HFM1: variants seen among roughly 807,000 people sequenced by gnomAD.
HFM1 encodes the protein probable ATP-dependent DNA helicase HFM1.
HFM1 carries 169 observed loss-of-function variants against 192.1 expected under a neutral mutation model. That is an observed-to-expected ratio of 0.88 (90% CI 0.78 to 1.00). The LOEUF is 1.00. Ranked by LOEUF, HFM1 falls within the 50% of genes least tolerant of loss-of-function variation. The pLI, the probability that HFM1 is intolerant of heterozygous loss-of-function variation, is 0.00. For missense variants in HFM1, 1,661 were observed against 1,668.0 expected (o/e 1.00, Z 0.07); for synonymous variants, 525 against 537.8 (o/e 0.98, Z 0.33).
rs950346284 is a variant in HFM1, at chr1:91,287,721, C to T, written c.3392-10659G>A. Among the ~76,000 whole-genome samples, 378 of 151,496 alleles carry T rather than the reference C, an allele frequency of 2.5e-3. 1 individual carries two copies. Among genetic ancestry groups the T allele is most frequent in the African/African-American group, 8.1e-3 (333 of 41,264 alleles). On this transcript the variant is annotated intron_variant, in intron 30 of 38. Coordinates refer to ENST00000370425, the MANE Select transcript of HFM1 (RefSeq NM_001017975.6). The stretch of plus-strand genomic sequence containing the variant: ...CAGACGATCAAATTACTCCGAGCTA[C>T]GGGAGGACATTCAAACCAAAGGCAA...
intron 20 of HFM1, among the ~76,000 whole-genome samples, chr1:91,334,697 G>A (rs904589875): frequency 8.6e-5 from 13 of 152,032 alleles, no homozygotes; most frequent in African/African-American, 2.4e-4. Context: ...TTGGGAGGCC[G>A]AGGCAGGTGG....
At chr1:91,392,399 T>C (rs913777496) in intron 4 of HFM1, among the ~76,000 whole-genome samples, 8 of 152,204 alleles carry the variant, frequency 5.3e-5, no homozygotes, top group South Asian at 2.1e-4. Context: ...ATATACATCA[T>C]GGAATACTAT....
intron 30 of HFM1, 33 bp from the exon 31 acceptor site, chr1:91,277,095 T>C (rs769729035): frequency 8.9e-7 from 1 of 1,119,000 alleles, no homozygotes; most frequent in Non-Finnish European, 1.3e-6. Flanking sequence ...AATCCATTTG[T>C]CACTACATTT....
rs754110441 is a variant in HFM1 at position 91,262,601 on chromosome 1, T to A, written c.3975-9A>T. ...CATGTGATGAAACAAAACTAAAAAT[T>A]AAAATTAATTATTTGTAAAATACGG... On this transcript the variant is annotated splice_polypyrimidine_tract_variant and intron_variant, in intron 36 of 38. Coordinates refer to ENST00000370425, the MANE Select transcript of HFM1 (RefSeq NM_001017975.6). 4.8e-6 allele frequency: 7 copies of A among 1,454,334 alleles called. No individual in the cohort carries two copies. The highest frequency in any genetic ancestry group is 6.7e-6 in the Non-Finnish European group (7 of 1,046,298). The allele number at this position is 1,454,334 out of a possible 1,614,324, so 90.1% of individuals were successfully genotyped here.
At chr1:91,300,629 C>A (rs915172521) in intron 30 of HFM1, among the ~76,000 whole-genome samples, 5 of 152,176 alleles carry the variant, frequency 3.3e-5, no homozygotes, top group African/African-American at 1.2e-4. Flanking sequence ...GCTAGTTCAA[C>A]ATATGCAAAT....
chr1:91,381,590 C>T (rs1489255127), intron 6 of HFM1, among the ~76,000 whole-genome samples: 5 of 152,080 alleles, frequency 3.3e-5, no homozygotes, highest in Non-Finnish European at 7.4e-5. Context: ...AATAAACTGT[C>T]CCCTCTCCAA....
At chr1:91,375,793 C>T (rs956679990) in intron 11 of HFM1, 66 bp from the exon 12 acceptor site, 1 of 1,338,502 alleles carries the variant, frequency 7.5e-7, no homozygotes, top group Non-Finnish European at 1.1e-6. Flanking sequence ...TAAAAACAAC[C>T]CAATTACAAA....
At chr1:91,282,735 T>C (rs950717952) in intron 30 of HFM1, among the ~76,000 whole-genome samples, 3 of 64,272 alleles carry the variant, frequency 4.7e-5, no homozygotes, top group Admixed American at 4.3e-4. Flanking sequence ...TCATTTAAGT[T>C]ATTTAGAGAA....
chr1:91,404,969 C>A, upstream of HFM1: 1 of 419,746 alleles, frequency 2.4e-6, no homozygotes, highest in Non-Finnish European at 4.8e-6. Context: ...ATATCTCTTG[C>A]AGTTTACTGT....
chr1:91,366,876 G>A (rs1659395394), intron 13 of HFM1, among the ~76,000 whole-genome samples: 1 of 152,234 alleles, frequency 6.6e-6, no homozygotes, highest in Admixed American at 6.5e-5. Context: ...AGGGGTGACA[G>A]ACAGCACCTG....
intron 30 of HFM1, among the ~76,000 whole-genome samples, chr1:91,299,905 G>C (rs1201537822): frequency 1.3e-5 from 2 of 152,128 alleles, no homozygotes; most frequent in Non-Finnish European, 2.9e-5. Flanking sequence ...ACATTCAAAA[G>C]CTAGCAGAAG....
chr1:91,318,679 AT>A (rs1269760947), intron 25 of HFM1, among the ~76,000 whole-genome samples: 1 of 152,168 alleles, frequency 6.6e-6, no homozygotes, highest in Non-Finnish European at 1.5e-5. Flanking sequence ...AGGTGACATA[AT>A]TTTCTGTAAT....
chr1:91,315,006 C>T (rs1650993883), intron 28 of HFM1, among the ~76,000 whole-genome samples: 1 of 152,136 alleles, frequency 6.6e-6, no homozygotes, highest in Non-Finnish European at 1.5e-5. Flanking sequence ...GAATCACTGC[C>T]ATTCCTGAAC....
Position 91,375,371 on chromosome 1 carries a change from CCA to C in HFM1, c.1670_1671del (p.Val557GlyfsTer38). ...AAAATACTATACCTCTGTTTCTGTTCCACAGTCATAATAAATTTAGCATCTTT... is the reference window on the plus strand; with the variant it reads ...AAAATACTATACCTCTGTTTCTGTTCCAGTCATAATAAATTTAGCATCTTT... Reference protein sequence around the residue: ...LVKDAKFIMTVEQKQRLQKYA... With the variant: ...LVKDAKFIMTXEQKQRLQKYA... On this transcript the variant is annotated frameshift_variant, in exon 13 of 39. Transcript: ENST00000370425. LOFTEE classifies it high-confidence loss of function. The C allele has an allele frequency of 1.2e-6, 2 of 1,611,154 alleles. No homozygotes were observed. Among genetic ancestry groups the C allele is most frequent in the Admixed American group, 1.7e-5 (1 of 59,788 alleles).
intron 30 of HFM1, among the ~76,000 whole-genome samples, chr1:91,285,363 A>G (rs1002893409): frequency 1.3e-5 from 2 of 152,326 alleles, no homozygotes; most frequent in Non-Finnish European, 2.9e-5. Flanking sequence ...ACTTGAAAGC[A>G]TATTTGGAAA....
chr1:91,398,994 C>T (rs1663994813), intron 2 of HFM1, among the ~76,000 whole-genome samples: 1 of 151,950 alleles, frequency 6.6e-6, no homozygotes, highest in Non-Finnish European at 1.5e-5. Context: ...TGCCTCGTCA[C>T]TCCTCACCCT....
chr1:91,268,421 A>T (rs375632840), intron 34 of HFM1, among the ~76,000 whole-genome samples: 12 of 152,108 alleles, frequency 7.9e-5, no homozygotes, highest in African/African-American at 2.9e-4. Flanking sequence ...TTAGAGCCAA[A>T]TTACATAAGT....
Position 91,260,910 on chromosome 1 carries a change from G to A in HFM1, c.*380C>T, listed in dbSNP as rs1004902827. 9 of 153,888 alleles carry A rather than the reference G, an allele frequency of 5.8e-5. No individual in the cohort carries two copies. The highest frequency in any genetic ancestry group is 2.2e-4 in the African/African-American group (9 of 41,528). The allele number at this position is 153,888 out of a possible 1,614,324, so 9.5% of individuals were successfully genotyped here. ...TCCATACAATAAGCAGATTCATTAA[G>A]TTAGCATTACTTTGCTTTCATAGAA... On this transcript the variant is annotated 3_prime_UTR_variant, in exon 39 of 39. Coordinates refer to ENST00000370425, the MANE Select transcript of HFM1 (RefSeq NM_001017975.6).
At position 91,319,410 on chromosome 1, in the gene HFM1, T is replaced by A; in HGVS notation, c.2583-20A>T. 2 of 1,468,770 alleles carry A rather than the reference T, an allele frequency of 1.4e-6. No individual in the cohort carries two copies. The highest frequency in any genetic ancestry group is 1.9e-6 in the Non-Finnish European group (2 of 1,048,092). The allele number at this position is 1,468,770 out of a possible 1,614,324, so 91.0% of individuals were successfully genotyped here. ...ATAAGACTGGGGGAAAGAAAAAAAA[T>A]TGTTACTCCCTTTTAAGGGTTATCT... is the stretch of plus-strand genomic sequence containing the variant. On this transcript the variant is annotated intron_variant, in intron 23 of 38. Transcript: ENST00000370425.
Sources: gnomAD v4.1 joint callset for allele counts (sites outside exome capture counted in the v4.1 genomes callset) on GRCh38, gnomAD v4.1.1 for gene constraint, MANE v1.5 for transcripts, NCBI Gene and HGNC (gene_info 2026-07-23, HGNC 2026-07-21) for gene names.